The following CCP110 variants were observed in gnomAD, a reference collection of about 807,000 sequenced individuals.
CCP110 encodes centriolar coiled-coil protein of 110 kDa.
Under a neutral mutation model 105.5 loss-of-function variants are expected in CCP110, and 43 were observed. The ratio of observed to expected loss-of-function variants is 0.41; its 90% CI spans 0.32 to 0.53. The LOEUF is 0.53. Among genes scored for constraint, CCP110 ranks in the 20% least tolerant of loss-of-function variants. The pLI is 0.32. For missense variants in CCP110, 1,016 were observed against 1,189.1 expected (o/e 0.85, Z 2.14); for synonymous variants, 353 against 392.1 (o/e 0.90, Z 1.18).
At chr16:19,524,356 G>T (rs1359477819) in intron 1 of CCP110, among the ~76,000 whole-genome samples, 4 of 152,162 alleles carry the variant, frequency 2.6e-5, no homozygotes, top group Non-Finnish European at 5.9e-5. Context: ...GGTGGGCATG[G>T]GGCGCTGGGG....
chr16:19,549,627 C>T (rs1970570740), intron 14 of CCP110, among the ~76,000 whole-genome samples: 1 of 152,192 alleles, frequency 6.6e-6, no homozygotes, highest in African/African-American at 2.4e-5. Context: ...ACTGTTTACT[C>T]CAGAGGCAGT....
exon 4 of CCP110, chr16:19,536,956 A>G (rs2151471300): frequency 6.2e-7 from 1 of 1,614,240 alleles, no homozygotes; most frequent in African/African-American, 1.3e-5. Flanking sequence ...CAAAGTTACC[A>G]ACTGATTTAG....
At chr16:19,542,561 A>C in intron 6 of CCP110, 60 bp from the exon 7 acceptor site, 3 of 1,277,722 alleles carry the variant, frequency 2.3e-6, no homozygotes, top group Non-Finnish European at 3.4e-6. Context: ...GTTTATTGGG[A>C]TGTTCTTCGT....
At chr16:19,531,150 A>G (rs1969853230) in intron 2 of CCP110, among the ~76,000 whole-genome samples, 1 of 152,226 alleles carries the variant, frequency 6.6e-6, no homozygotes, top group African/African-American at 2.4e-5. Flanking sequence ...AAAAAGTTTT[A>G]AAACAACATA....
At chr16:19,545,094 T>C in exon 10 of CCP110, 1 of 1,585,850 alleles carries the variant, frequency 6.3e-7, no homozygotes, top group Non-Finnish European at 8.6e-7. Flanking sequence ...TTGTGCCTAG[T>C]TGCGAGCTGC....
chr16:19,541,496 T>C (rs1358453303), intron 5 of CCP110, among the ~76,000 whole-genome samples: 1 of 151,854 alleles, frequency 6.6e-6, no homozygotes, highest in Non-Finnish European at 1.5e-5. Flanking sequence ...TGGTGGTGTA[T>C]GGACCTGTAG....
exon 4 of CCP110, chr16:19,537,162 G>A (rs759598287): frequency 1.9e-6 from 3 of 1,614,096 alleles, no homozygotes; most frequent in Non-Finnish European, 2.5e-6. Context: ...AACAGTACCT[G>A]TGCTGCGATG....
chr16:19,540,177 A>G (rs1044210363), intron 4 of CCP110, among the ~76,000 whole-genome samples: 6 of 152,238 alleles, frequency 3.9e-5, no homozygotes, highest in Admixed American at 6.5e-5. Flanking sequence ...GTAACTAAAT[A>G]TCTGGAATTT....
rs1297391373 is a variant in CCP110, at chr16:19,542,868, T to C, written c.2368-10T>C. Reference sequence around the variant, plus strand: ...ACCAATAAACATTGTGTCTGTCTTCTTTCTCCTAGGTTTTTAGTCTGGAAA... The same window carrying C: ...ACCAATAAACATTGTGTCTGTCTTCCTTCTCCTAGGTTTTTAGTCTGGAAA... On this transcript the variant is annotated splice_polypyrimidine_tract_variant and intron_variant, in intron 7 of 14. Coordinates refer to ENST00000381396, the Ensembl canonical transcript of CCP110. 4 of 1,576,628 alleles carry C rather than the reference T, an allele frequency of 2.5e-6. No individual in the cohort carries two copies. The highest frequency in any genetic ancestry group is 1.1e-5 in the South Asian group (1 of 90,242).
chr16:19,532,917 T>G (rs1969925106), intron 3 of CCP110, among the ~76,000 whole-genome samples: 1 of 152,228 alleles, frequency 6.6e-6, no homozygotes, highest in African/African-American at 2.4e-5. Context: ...CATTCTTTGC[T>G]TAAGTAAATA....
intron 8 of CCP110, 142 bp downstream of exon 8, chr16:19,543,136 G>A (rs1332825381): frequency 1.7e-6 from 1 of 579,158 alleles, no homozygotes; most frequent in African/African-American, 1.9e-5. Context: ...CTGATTGTTT[G>A]TTGCGGGAAG....
At chr16:19,537,378 C>G (rs369267187) in exon 4 of CCP110, 1 of 1,612,990 alleles carries the variant, frequency 6.2e-7, no homozygotes, top group Non-Finnish European at 8.5e-7. Flanking sequence ...CCTATGGTGT[C>G]CTGTGGAAAT....
Position 19,547,938 on chromosome 16 carries a change from AT to A in CCP110, c.2841-14del. 6.3e-7 allele frequency: 1 copy of A among 1,581,612 alleles called. No homozygotes were observed. The highest frequency in any genetic ancestry group is 8.7e-7 in the Non-Finnish European group (1 of 1,151,084). ...ATTTAACCTATTAAATTAATTTTTC[AT>A]TTAATTTGTCAACAGAGTCCTTCAG... On this transcript the variant is annotated splice_polypyrimidine_tract_variant and intron_variant, in intron 12 of 14. Transcript: ENST00000381396.
chr16:19,549,129 TA>T (rs1408118571), intron 14 of CCP110, among the ~76,000 whole-genome samples: 2 of 152,208 alleles, frequency 1.3e-5, no homozygotes, highest in Non-Finnish European at 2.9e-5. Flanking sequence ...AACTGTATTT[TA>T]AAATTCTGTT....
exon 4 of CCP110, chr16:19,535,998 C>G (rs1204802177): frequency 3.1e-6 from 5 of 1,613,748 alleles, no homozygotes; most frequent in Non-Finnish European, 4.2e-6. Flanking sequence ...ACAGTTTACT[C>G]TAATTCAGAA....
intron 5 of CCP110, 82 bp downstream of exon 5, chr16:19,540,869 G>A (rs1398991820): frequency 3.2e-5 from 41 of 1,289,458 alleles, no homozygotes; most frequent in Non-Finnish European, 3.9e-5. Context: ...TATAGAATAC[G>A]TGTAATTTTT....
chr16:19,526,007 C>G (rs1969658765), intron 1 of CCP110: 1 of 152,454 alleles, frequency 6.6e-6, no homozygotes, highest in Non-Finnish European at 1.5e-5. Flanking sequence ...CAGTCATGCT[C>G]TAAGGATCAT....
Position 19,541,868 on chromosome 16 carries a change from A to G in CCP110, c.2050-19A>G, listed in dbSNP as rs754844444. The G allele has an allele frequency of 6.0e-6, 9 of 1,506,954 alleles. No homozygotes were observed. The highest frequency in any genetic ancestry group is 8.0e-6 in the Non-Finnish European group (9 of 1,118,628). The allele number at this position is 1,506,954 out of a possible 1,614,324, so 93.3% of individuals were successfully genotyped here. A position where few individuals can be genotyped will look rare whatever the true frequency, so the allele number is the denominator to read the frequency against. ...TAATTAAAAGGTTTAGCATGTTACA[A>G]TAAACTGTTCATGTATAGGAAATAG... On this transcript the variant is annotated intron_variant, in intron 5 of 14. Coordinates refer to ENST00000381396, the Ensembl canonical transcript of CCP110.
chr16:19,539,111 CA>C lies in CCP110; in HGVS notation c.1919-1534del, dbSNP rs749891365. On this transcript the variant is annotated intron_variant, in intron 4 of 14. Transcript: ENST00000381396. ...TGGGTGACAGAGCCAGATTCCATCT[CA>C]AAAAAAAAAAATAATAATAATAAAG... is the stretch of plus-strand genomic sequence containing the variant. 6.4e-4 allele frequency among the ~76,000 whole-genome samples: 78 copies of C among 121,096 alleles called. 1 individual carries two copies. The highest frequency in any genetic ancestry group is 8.1e-4 in the East Asian group (3 of 3,720). The allele number at this position is 121,096 out of a possible 152,430, so 79.4% of individuals were successfully genotyped here.
Sources: allele counts gnomAD v4.1 joint callset (sites outside exome capture counted in the v4.1 genomes callset), GRCh38; gene constraint gnomAD v4.1.1; transcripts MANE v1.5; gene names NCBI Gene and HGNC (gene_info 2026-07-23, HGNC 2026-07-21).